Variants in NLGN1 observed in about 807,000 individuals in gnomAD.
NLGN1 encodes the protein neuroligin 1.
Under a neutral mutation model 65.5 loss-of-function variants are expected in NLGN1, and 12 were observed. The observed-to-expected ratio is 0.18, with a 90% CI of 0.12 to 0.30. NLGN1 has a LOEUF of 0.30. Among genes scored for constraint, NLGN1 ranks in the 10% least tolerant of loss-of-function variants. NLGN1 has a pLI of 1.00. For synonymous variants in NLGN1, 350 were observed against 359.5 expected, an observed-to-expected ratio of 0.97 and a Z score of 0.30; for missense variants, 750 against 1,007.1, an observed-to-expected ratio of 0.74 and a Z score of 3.46.
intron 4 of NLGN1, among the ~76,000 whole-genome samples, chr3:173,827,259 G>GA (rs1262828585): frequency 6.6e-6 from 1 of 152,082 alleles, no homozygotes; most frequent in East Asian, 1.9e-4. Context: ...AAGAAGTAGG[G>GA]AAAATCCAGA....
chr3:174,064,585 G>A (rs1335504161), intron 4 of NLGN1, among the ~76,000 whole-genome samples: 1 of 149,586 alleles, frequency 6.7e-6, no homozygotes, highest in Non-Finnish European at 1.5e-5. Context: ...TAATATTAAT[G>A]TATGATACAT....
Position 173,942,228 on chromosome 3 carries a change from A to T in NLGN1, c.646+134396A>T, listed in dbSNP as rs572333242. ...ATACATACATAGTGAAGCACTGCCT[A>T]TATTCTGGGCATCTTATAATAATTG... On this transcript the variant is annotated intron_variant, in intron 4 of 6. Transcript: ENST00000457714. Among the ~76,000 whole-genome samples the T allele has an allele frequency of 7.9e-5, 12 of 152,030 alleles. No individual in the cohort carries two copies. In the South Asian group the frequency reaches 2.5e-3, roughly 32 times the overall value.
At chr3:174,241,345 T>C (rs73882732) in intron 4 of NLGN1, among the ~76,000 whole-genome samples, 17,047 of 151,994 alleles carry the variant, frequency 0.11, 1,711 homozygotes, top group African/African-American at 0.26. Flanking sequence ...GTGTACTGCT[T>C]TTATAGTAAA....
chr3:174,168,216 A>C (rs992953552), intron 4 of NLGN1, among the ~76,000 whole-genome samples: 1 of 151,754 alleles, frequency 6.6e-6, no homozygotes, highest in Non-Finnish European at 1.5e-5. Context: ...GTCATTTCTG[A>C]GTTTCTAATT....
In NLGN1 at chr3:173,942,107, GGGGTGTGT is replaced by G. The variant is rs1444525914; in HGVS notation, c.646+134277_646+134284del. Among the ~76,000 whole-genome samples, 121 of 129,032 alleles carry G rather than the reference GGGGTGTGT, an allele frequency of 9.4e-4. 1 individual carries two copies. The highest frequency in any genetic ancestry group is 4.1e-3 in the Middle Eastern group (1 of 244). 84.7% of individuals were successfully genotyped at this position (129,032 alleles called of 152,430 possible). On this transcript the variant is annotated intron_variant, in intron 4 of 6. Coordinates refer to ENST00000457714, the Ensembl canonical transcript of NLGN1. ...TCATGGTCAGGAATATTGGTGGTTG[GGGGTGTGT>G]GTGTGTGTGTGTGTGTGTGTGTGTG...
chr3:173,709,061 A>T (rs1361260901), intron 3 of NLGN1, among the ~76,000 whole-genome samples: 5 of 152,222 alleles, frequency 3.3e-5, no homozygotes, highest in African/African-American at 1.2e-4. Flanking sequence ...ATACCAAATA[A>T]TTTAGACACA....
chr3:173,952,954 T>A (rs539121530), intron 4 of NLGN1, among the ~76,000 whole-genome samples: 1 of 152,208 alleles, frequency 6.6e-6, no homozygotes, highest in East Asian at 1.9e-4. Flanking sequence ...AATTTTTGTA[T>A]CTTTAGTAGA....
chr3:174,037,563 T>C (rs9827370), intron 4 of NLGN1, among the ~76,000 whole-genome samples: 1,610 of 152,288 alleles, frequency 0.011, 39 homozygotes, highest in African/African-American at 0.036. Flanking sequence ...CAAGTATATT[T>C]ACATAGTGCC....
chr3:173,947,059 ATTT>A (rs63224363), intron 4 of NLGN1, among the ~76,000 whole-genome samples: 1 of 134,950 alleles, frequency 7.4e-6, no homozygotes. Context: ...AGTTGTTAGG[ATTT>A]TTTTTTTTTT....
chr3:174,006,736 G>T (rs1724495585), intron 4 of NLGN1, among the ~76,000 whole-genome samples: 1 of 152,110 alleles, frequency 6.6e-6, no homozygotes, highest in African/African-American at 2.4e-5. Flanking sequence ...GAGGCTGTTA[G>T]GGTGTGCCCT....
chr3:173,636,276 C>A (rs1381154267), intron 3 of NLGN1, among the ~76,000 whole-genome samples: 1 of 151,612 alleles, frequency 6.6e-6, no homozygotes, highest in Non-Finnish European at 1.5e-5. Flanking sequence ...TTGGGTATGT[C>A]CACCAGAGCC....
At chr3:173,960,474 A>G (rs892357542) in intron 4 of NLGN1, among the ~76,000 whole-genome samples, 2 of 151,828 alleles carry the variant, frequency 1.3e-5, no homozygotes, top group African/African-American at 4.8e-5. Context: ...TAAATTTTAG[A>G]GATTTGTAGA....
intron 4 of NLGN1, among the ~76,000 whole-genome samples, chr3:174,081,656 T>C (rs1254610181): frequency 6.6e-6 from 1 of 150,390 alleles, no homozygotes; most frequent in Non-Finnish European, 1.5e-5. Context: ...GGCATGATCT[T>C]GGCTCACCGG....
At chr3:173,650,035 A>G (rs542863466) in intron 3 of NLGN1, among the ~76,000 whole-genome samples, 18 of 152,136 alleles carry the variant, frequency 1.2e-4, no homozygotes, top group African/African-American at 4.1e-4. Context: ...TTATATTTGC[A>G]TATGTATATA....
chr3:173,988,747 A>T (rs1474194280), intron 4 of NLGN1, among the ~76,000 whole-genome samples: 1 of 151,952 alleles, frequency 6.6e-6, no homozygotes, highest in Non-Finnish European at 1.5e-5. Context: ...ATCTCCAAAT[A>T]TTTTTTATCT....
At chr3:173,800,003 A>ATTT (rs11328249) in intron 3 of NLGN1, among the ~76,000 whole-genome samples, 1 of 92,578 alleles carries the variant, frequency 1.1e-5, no homozygotes. Flanking sequence ...TGCAATGGGT[A>ATTT]TTTTTTTTTT....
At chr3:174,215,130 G>A (rs983338972) in intron 4 of NLGN1, among the ~76,000 whole-genome samples, 5 of 151,878 alleles carry the variant, frequency 3.3e-5, no homozygotes, top group South Asian at 2.1e-4. Flanking sequence ...AGTTTTTCTC[G>A]GTTGGGTTAC....
intron 4 of NLGN1, among the ~76,000 whole-genome samples, chr3:174,180,222 A>G (rs1171028750): frequency 2.0e-5 from 3 of 152,174 alleles, no homozygotes; most frequent in African/African-American, 7.2e-5. Flanking sequence ...GGAGTAAAGT[A>G]TCAAGGACAC....
intron 4 of NLGN1, among the ~76,000 whole-genome samples, chr3:173,889,100 A>G (rs1433667553): frequency 6.6e-6 from 1 of 152,168 alleles, no homozygotes; most frequent in Non-Finnish European, 1.5e-5. Context: ...ATGTATTTCC[A>G]TAAATGTATG....
Sources: gnomAD v4.1 joint callset for allele counts (sites outside exome capture counted in the v4.1 genomes callset) on GRCh38, gnomAD v4.1.1 for gene constraint, MANE v1.5 for transcripts, NCBI Gene and HGNC (gene_info 2026-07-23, HGNC 2026-07-21) for gene names.